Variants in ZNF547 observed in about 807,000 individuals in gnomAD.
The protein encoded by ZNF547 is zinc finger protein 547.
In ZNF547, 4 loss-of-function variants were observed where a neutral mutation model predicts 7.7. The ratio of observed to expected loss-of-function variants is 0.52; its 90% CI spans 0.26 to 1.20. ZNF547 has a LOEUF of 1.20. Ranked by LOEUF, ZNF547 falls within the 50% of genes most tolerant of loss-of-function variation. The pLI, the probability that ZNF547 is intolerant of heterozygous loss-of-function variation, is 0.14. For synonymous variants in ZNF547, 166 were observed against 166.2 expected, an observed-to-expected ratio of 1.00 and a Z score of 0.01; for missense variants, 449 against 485.8, an observed-to-expected ratio of 0.92 and a Z score of 0.71.
intron 2 of ZNF547, among the ~76,000 whole-genome samples, chr19:57,368,790 T>C (rs1052428279): frequency 1.3e-5 from 2 of 152,228 alleles, no homozygotes; most frequent in African/African-American, 4.8e-5. Flanking sequence ...ACACCTTACC[T>C]GGATGGCCCT....
At position 57,369,995 on chromosome 19, in the gene ZNF547, C is replaced by T. The variant is rs964831132; in HGVS notation, c.24+1416C>T. ...GCAATCTCTCCCTGCCAGGTTCAAG[C>T]GATTCTTCTGCCTCAGCCTCCTGAA... is the stretch of plus-strand genomic sequence containing the variant. On this transcript the variant is annotated intron_variant, in intron 2 of 3. Coordinates refer to ENST00000282282, the MANE Select transcript of ZNF547 (RefSeq NM_173631.4). 3.5e-5 allele frequency among the ~76,000 whole-genome samples: 5 copies of T among 143,682 alleles called. No homozygotes were observed. The South Asian group carries it at 6.6e-4, about 19-fold the overall frequency. 94.3% of individuals were successfully genotyped at this position (143,682 alleles called of 152,430 possible).
chr19:57,369,998 T>A (rs1266298446), intron 2 of ZNF547, among the ~76,000 whole-genome samples: 1 of 146,398 alleles, frequency 6.8e-6, no homozygotes, highest in Non-Finnish European at 1.5e-5. Context: ...GTTCAAGCGA[T>A]TCTTCTGCCT....
In ZNF547 at chr19:57,364,557, A is replaced by G. The variant is rs559249566; in HGVS notation, c.-13+854A>G. The G allele has an allele frequency of 2.7e-5, 13 of 485,064 alleles. No individual in the cohort carries two copies. In the Middle Eastern group the frequency reaches 1.8e-3, roughly 65 times the overall value. 30.0% of individuals were successfully genotyped at this position (485,064 alleles called of 1,614,324 possible). ...GGCGTTCAAGACCAGCCTGACCAAC[A>G]TGGTGAAACCCCGTCTTTAGTAAAA... On this transcript the variant is annotated intron_variant, in intron 1 of 3. Transcript: ENST00000282282.
intron 2 of ZNF547, among the ~76,000 whole-genome samples, chr19:57,370,134 A>G (rs1255783877): frequency 6.6e-6 from 1 of 151,786 alleles, no homozygotes; most frequent in African/African-American, 2.4e-5. Flanking sequence ...CTCGTGATCC[A>G]TCCTCCTCAG....
chr19:57,370,958 T>G (rs1255491084), intron 2 of ZNF547: 3 of 52,346 alleles, frequency 5.7e-5, no homozygotes, highest in Admixed American at 4.2e-4. Context: ...GGGTTTTTTG[T>G]TTTTTTTTTT....
chr19:57,374,454 G>T (rs547436433), intron 3 of ZNF547, among the ~76,000 whole-genome samples: 1 of 152,322 alleles, frequency 6.6e-6, no homozygotes, highest in South Asian at 2.1e-4. Context: ...AGGGGCTGCC[G>T]GGAAGGTCTC....
intron 1 of ZNF547, among the ~76,000 whole-genome samples, chr19:57,366,863 G>A (rs1467872365): frequency 1.3e-5 from 2 of 152,212 alleles, no homozygotes; most frequent in Non-Finnish European, 1.5e-5. Context: ...AAATGTATTG[G>A]CAGTATACAT....
intron 2 of ZNF547, 61 bp downstream of exon 2, chr19:57,368,640 CCATG>C (rs1406186120): frequency 5.2e-6 from 8 of 1,553,024 alleles, no homozygotes; most frequent in Non-Finnish European, 7.1e-6. Flanking sequence ...TTTGGCACCT[CCATG>C]TAAAGAAAAG....
rs569848182 is a variant in ZNF547 at position 57,367,656 on chromosome 19, G to A, written c.-12-888G>A. On this transcript the variant is annotated intron_variant, in intron 1 of 3. Transcript: ENST00000282282. ...GTCCTCTGCCTAGAAAAAGGGAGGCGTGGGTGGGATAAGGAATGGGCTTGG... is the reference window on the plus strand; with the variant it reads ...GTCCTCTGCCTAGAAAAAGGGAGGCATGGGTGGGATAAGGAATGGGCTTGG... Among the ~76,000 whole-genome samples, 25 of 152,282 alleles carry A rather than the reference G, an allele frequency of 1.6e-4. No individual in the cohort carries two copies. The East Asian group carries it at 4.1e-3, about 25-fold the overall frequency.
At chr19:57,376,453 G>C (rs1160376706) in intron 3 of ZNF547, among the ~76,000 whole-genome samples, 1 of 152,154 alleles carries the variant, frequency 6.6e-6, no homozygotes, top group Non-Finnish European at 1.5e-5. Flanking sequence ...CAGGGAGAAG[G>C]CCTGGAAATT....
In ZNF547 at chr19:57,368,532, C is replaced by T. The variant is rs767295753; in HGVS notation, c.-12-12C>T. ...TCGTTGCCCATTTCTCACGGTTTCC[C>T]TCTTCCTTCAGGGTCCCCTGGCGAT... On this transcript the variant is annotated splice_polypyrimidine_tract_variant and intron_variant, in intron 1 of 3. Coordinates refer to ENST00000282282, the MANE Select transcript of ZNF547 (RefSeq NM_173631.4). 1 of 1,613,966 alleles carries T rather than the reference C, an allele frequency of 6.2e-7. No homozygotes were observed. Among genetic ancestry groups the T allele is most frequent in the Admixed American group, 1.7e-5 (1 of 59,984 alleles).
intron 1 of ZNF547, chr19:57,365,480 A>T: frequency 2.1e-6 from 1 of 471,342 alleles, no homozygotes; most frequent in Non-Finnish European, 3.7e-6. Context: ...TTTATAAAGA[A>T]CTCATTATCA....
intron 2 of ZNF547, among the ~76,000 whole-genome samples, chr19:57,368,896 G>A (rs2088487633): frequency 2.0e-5 from 3 of 152,152 alleles, no homozygotes; most frequent in African/African-American, 7.2e-5. Flanking sequence ...AGTGTTTAGA[G>A]GAGAGACTGA....
In ZNF547 at chr19:57,379,230, T is replaced by C. The variant is rs2088559100; in HGVS notation, c.*1045T>C. 6.6e-6 allele frequency: 1 copy of C among 152,244 alleles called. No individual in the cohort carries two copies. The highest frequency in any genetic ancestry group is 2.1e-4 in the South Asian group (1 of 4,838). The allele number at this position is 152,244 out of a possible 1,614,324, so 9.4% of individuals were successfully genotyped here. A position where few individuals can be genotyped will look rare whatever the true frequency, so the allele number is the denominator to read the frequency against. On this transcript the variant is annotated 3_prime_UTR_variant, in exon 4 of 4. Coordinates refer to ENST00000282282, the MANE Select transcript of ZNF547 (RefSeq NM_173631.4). The stretch of plus-strand genomic sequence containing the variant: ...GCTGGATCACATGGTACTTCTAACT[T>C]TAATTCTTTGATGAACTGAGAAACT...
chr19:57,377,003 C>T, intron 3 of ZNF547, 125 bp from the exon 4 acceptor site: 1 of 982,532 alleles, frequency 1.0e-6, no homozygotes, highest in Non-Finnish European at 1.5e-6. Flanking sequence ...TGCCACAGTA[C>T]CAGGGTTCAT....
In ZNF547 at chr19:57,378,236, T is replaced by G; in HGVS notation, c.*51T>G. ...GGAAAGCCTTCAGTCACCAACATAT[T>G]GTGGCTGGACAGCAGGCAGTACACA... On this transcript the variant is annotated 3_prime_UTR_variant, in exon 4 of 4. Transcript: ENST00000282282. 1.3e-6 allele frequency: 2 copies of G among 1,523,306 alleles called. No individual in the cohort carries two copies. Among genetic ancestry groups the G allele is most frequent in the Non-Finnish European group, 1.8e-6 (2 of 1,119,190 alleles). The allele number at this position is 1,523,306 out of a possible 1,614,324, so 94.4% of individuals were successfully genotyped here. A position where few individuals can be genotyped will look rare whatever the true frequency, so the allele number is the denominator to read the frequency against.
chr19:57,364,944 G>T lies in ZNF547; in HGVS notation c.-13+1241G>T, dbSNP rs770581561. 1.9e-6 allele frequency: 3 copies of T among 1,613,082 alleles called. No homozygotes were observed. The Admixed American group carries it at 5.0e-5, about 27-fold the overall frequency. ...AATCCAAAGACGACCATCGTCATCTGAACCAGTTCATAGCTCATGCTGCTC... is the reference window on the plus strand; with the variant it reads ...AATCCAAAGACGACCATCGTCATCTTAACCAGTTCATAGCTCATGCTGCTC... On this transcript the variant is annotated intron_variant, in intron 1 of 3. Transcript: ENST00000282282.
rs758957870 is a variant in ZNF547, at chr19:57,368,580, G to A, written c.24+1G>A. ...GATGGCAGAAATGAACCCTGCACAG[G>A]TGAGTGGAGTGTTTTCTACCTTTCA... On this transcript the variant is annotated splice_donor_variant, in intron 2 of 3. Transcript: ENST00000282282. LOFTEE classifies it high-confidence loss of function. The A allele has an allele frequency of 4.3e-6, 7 of 1,614,124 alleles. No homozygotes were observed. The East Asian group carries it at 1.1e-4, about 26-fold the overall frequency.
rs140151450 is a variant in ZNF547 at position 57,378,082 on chromosome 19, G to A, written c.1106G>A (p.Cys369Tyr). The A allele has an allele frequency of 5.6e-6, 9 of 1,613,906 alleles. No homozygotes were observed. The African/African-American group carries it at 9.4e-5, about 17-fold the overall frequency. Residue 369 changes from cysteine (C) to tyrosine (Y), a missense_variant, in exon 4 of 4, where the codon TGT (cysteine) becomes TAT (tyrosine). Transcript: ENST00000282282. ...TTCCTTACAAAGTCCCACCTCATTT[G>A]TCATCAGACAGTTCACACTGCAGCA... ...KAFLTKSHLI[C>Y]HQTVHTAAKQ...
Sources: allele counts gnomAD v4.1 joint callset (sites outside exome capture counted in the v4.1 genomes callset), GRCh38; gene constraint gnomAD v4.1.1; transcripts MANE v1.5; gene names NCBI Gene and HGNC (gene_info 2026-07-23, HGNC 2026-07-21).